NCAM1: variants seen among roughly 807,000 people sequenced by gnomAD.
NCAM1 encodes antigen recognized by monoclonal antibody 5.1H11.
In NCAM1, 14 loss-of-function variants were observed where a neutral mutation model predicts 109.8. The observed-to-expected ratio is 0.13, with a 90% confidence interval of 0.08 to 0.20. NCAM1 has a LOEUF of 0.20. Ranked by LOEUF, NCAM1 falls within the 10% of genes least tolerant of loss-of-function variation. NCAM1 has a pLI of 1.00. For synonymous variants in NCAM1, 418 were observed against 442.9 expected (o/e 0.94, Z 0.70); for missense variants, 774 against 1,109.9 (o/e 0.70, Z 4.30).
chr11:113,264,152 C>A (rs1190223710), intron 17 of NCAM1: 2 of 985,058 alleles, frequency 2.0e-6, no homozygotes, highest in South Asian at 9.4e-5. Flanking sequence ...TCCCTCCCCC[C>A]ATTGTGGTCA....
chr11:113,273,446 C>T lies in NCAM1; in HGVS notation c.2456+1570C>T. 2 of 336,124 alleles carry T rather than the reference C, an allele frequency of 6.0e-6. No homozygotes were observed. Among genetic ancestry groups the T allele is most frequent in the Non-Finnish European group, 1.2e-5 (2 of 168,482 alleles). 20.8% of individuals were successfully genotyped at this position (336,124 alleles called of 1,614,324 possible). A position where few individuals can be genotyped will look rare whatever the true frequency, so the allele number is the denominator to read the frequency against. The stretch of plus-strand genomic sequence containing the variant: ...CCCCTCAGGCCAAGCAGGAGGCTCC[C>T]AGCACCAAAGGCCCGGACCCGGAGC... On this transcript the variant is annotated intron_variant, in intron 19 of 19. Coordinates refer to ENST00000316851, the MANE Select transcript of NCAM1 (RefSeq NM_181351.5). The surrounding 1 kb of genome is among the most constrained non-coding windows in gnomAD (Gnocchi z 6.0).
At chr11:113,078,521 A>G (rs888194980) in intron 1 of NCAM1, among the ~76,000 whole-genome samples, 9 of 152,132 alleles carry the variant, frequency 5.9e-5, no homozygotes, top group African/African-American at 2.2e-4. Flanking sequence ...TATAGTAACT[A>G]TAGAAAGCTT....
intron 1 of NCAM1, among the ~76,000 whole-genome samples, chr11:113,053,082 A>G (rs1170862115): frequency 6.6e-6 from 1 of 151,924 alleles, no homozygotes; most frequent in African/African-American, 2.4e-5. Flanking sequence ...GCTCCCCCCA[A>G]CTTGTGCCTA....
intron 1 of NCAM1, among the ~76,000 whole-genome samples, chr11:112,973,778 A>G (rs1199811817): frequency 1.3e-5 from 2 of 152,134 alleles, no homozygotes; most frequent in African/African-American, 4.8e-5. Context: ...GTTGGATTTA[A>G]GTATTGATTC....
intron 1 of NCAM1, among the ~76,000 whole-genome samples, chr11:113,128,823 C>T (rs1340888986): frequency 1.3e-5 from 2 of 151,402 alleles, no homozygotes; most frequent in African/African-American, 2.4e-5. Context: ...GGGTACAGGC[C>T]GTGTTTGTCA....
chr11:113,056,328 C>T (rs1016668898), intron 1 of NCAM1, among the ~76,000 whole-genome samples: 6 of 151,204 alleles, frequency 4.0e-5, no homozygotes, highest in East Asian at 1.9e-4. Context: ...TTCTTGTATT[C>T]GATAATACGG....
At chr11:113,082,722 G>A (rs180674287) in intron 1 of NCAM1, among the ~76,000 whole-genome samples, 4 of 152,276 alleles carry the variant, frequency 2.6e-5, no homozygotes, top group African/African-American at 2.4e-5. Context: ...GGACAATGCC[G>A]GATCATGTCG....
chr11:113,240,031 A>G (rs1945279470), intron 14 of NCAM1, among the ~76,000 whole-genome samples: 1 of 152,212 alleles, frequency 6.6e-6, no homozygotes, highest in Non-Finnish European at 1.5e-5. Flanking sequence ...TCTCAGATGC[A>G]CAACTAACCA....
chr11:113,245,269 C>G (rs896312439), intron 14 of NCAM1, among the ~76,000 whole-genome samples: 1 of 152,068 alleles, frequency 6.6e-6, no homozygotes, highest in Non-Finnish European at 1.5e-5. Flanking sequence ...GGCGAAACCC[C>G]CATCTCTACA....
At chr11:113,145,982 C>T (rs1160872836) in intron 1 of NCAM1, among the ~76,000 whole-genome samples, 4 of 152,142 alleles carry the variant, frequency 2.6e-5, no homozygotes, top group African/African-American at 9.7e-5. Flanking sequence ...ATCAAAATTG[C>T]TCATAATCTG....
chr11:113,130,427 A>T (rs1941342695), intron 1 of NCAM1, among the ~76,000 whole-genome samples: 1 of 152,206 alleles, frequency 6.6e-6, no homozygotes, highest in Non-Finnish European at 1.5e-5. Context: ...TGAGTCAATT[A>T]AACAGTATGC....
At chr11:113,000,855 AAAT>A (rs377455641) in intron 1 of NCAM1, among the ~76,000 whole-genome samples, 45,990 of 112,480 alleles carry the variant, frequency 0.41, 8,551 homozygotes, top group East Asian at 0.73. Flanking sequence ...TATACACAAA[AAAT>A]ATATATATAT....
intron 10 of NCAM1, 43 bp downstream of exon 10, chr11:113,231,838 G>A: frequency 6.2e-7 from 1 of 1,610,894 alleles, no homozygotes; most frequent in South Asian, 1.1e-5. Flanking sequence ...GGAGGGGCAA[G>A]GCAGGGTCAG....
At chr11:113,185,079 T>TATATATATATATATATAGAGAGAG in intron 1 of NCAM1, among the ~76,000 whole-genome samples, 362 of 125,546 alleles carry the variant, frequency 2.9e-3, no homozygotes, top group Non-Finnish European at 4.2e-3. Flanking sequence ...TATATATATA[T>TATATATATATATATATAGAGAGAG]AGAGAGAGAG....
chr11:113,231,270 T>C, intron 9 of NCAM1: 1 of 1,536,056 alleles, frequency 6.5e-7, no homozygotes, highest in Middle Eastern at 1.7e-4. Context: ...CAGGATCTCA[T>C]GAGGTAGGGC....
At chr11:113,192,879 A>T (rs2136744720) in intron 1 of NCAM1, among the ~76,000 whole-genome samples, 1 of 152,290 alleles carries the variant, frequency 6.6e-6, no homozygotes, top group South Asian at 2.1e-4. Context: ...TGGCTCTGCA[A>T]TCCTGGCCAT....
chr11:113,076,437 C>A (rs144036870), intron 1 of NCAM1, among the ~76,000 whole-genome samples: 148 of 152,218 alleles, frequency 9.7e-4, no homozygotes, highest in Non-Finnish European at 1.9e-3. Context: ...ACATTAGCTG[C>A]CTTCAGAGGG....
In NCAM1 at chr11:113,273,152, C is replaced by A. The variant is rs1174987187; in HGVS notation, c.2456+1276C>A. The A allele has an allele frequency of 1.9e-5, 8 of 425,986 alleles. No homozygotes were observed. The highest frequency in any genetic ancestry group is 2.5e-5 in the Admixed American group (1 of 39,866). 26.4% of individuals were successfully genotyped at this position (425,986 alleles called of 1,614,324 possible). A position where few individuals can be genotyped will look rare whatever the true frequency, so the allele number is the denominator to read the frequency against. On this transcript the variant is annotated intron_variant, in intron 19 of 19. Transcript: ENST00000316851. The surrounding 1 kb of genome is among the most constrained non-coding windows in gnomAD (Gnocchi z 6.0). ...AGGCCACCCCTTCCAAGGGGCCCAG[C>A]GCCTCTGCCCCCTCCCCGGCCCCAG...
chr11:113,192,702 A>C (rs1943721223), intron 1 of NCAM1, among the ~76,000 whole-genome samples: 1 of 152,198 alleles, frequency 6.6e-6, no homozygotes, highest in Non-Finnish European at 1.5e-5. Context: ...ACACAGAAGC[A>C]ATAGAAAGCC....
Sources: gnomAD v4.1 joint callset for allele counts (sites outside exome capture counted in the v4.1 genomes callset) on GRCh38, gnomAD v4.1.1 for gene constraint, Gnocchi (gnomAD v3.1) non-coding constraint, MANE v1.5 for transcripts, NCBI Gene and HGNC (gene_info 2026-07-23, HGNC 2026-07-21) for gene names.